Variants in DIAPH2 observed in about 807,000 individuals in gnomAD.
DIAPH2 encodes the protein diaphanous related formin 2.
Under a neutral mutation model 92.7 loss-of-function variants are expected in DIAPH2, and 35 were observed. That is an observed-to-expected ratio of 0.38 (90% confidence interval 0.29 to 0.50). The LOEUF is 0.50. DIAPH2 is among the 20% of genes least tolerant of loss of function. The probability of loss-of-function intolerance (pLI) is 0.94; values close to 1 mark genes in which losing one functional copy is unlikely to be tolerated. For synonymous variants in DIAPH2, 301 were observed against 280.4 expected (o/e 1.07, Z -0.73); for missense variants, 701 against 819.5 (o/e 0.86, Z 1.77).
At chrX:97,433,940 T>C (rs189039492) in intron 26 of DIAPH2, among the ~76,000 whole-genome samples, 3 of 111,331 alleles carry the variant, frequency 2.7e-5, no homozygotes, top group African/African-American at 9.8e-5. Context: ...AAAATAATAA[T>C]GGAGGAAAAG....
intron 23 of DIAPH2, among the ~76,000 whole-genome samples, chrX:97,273,340 A>G (rs764307973): frequency 2.0e-4 from 22 of 111,989 alleles, no homozygotes; most frequent in African/African-American, 5.8e-4. Context: ...TATGCATCTT[A>G]GAAACAAAAT....
chrX:97,110,987 A>C (rs189518847), intron 20 of DIAPH2, among the ~76,000 whole-genome samples: 4,186 of 108,363 alleles, frequency 0.039, 90 homozygotes, highest in Middle Eastern at 0.13. Flanking sequence ...CGTCTCAAAA[A>C]AAACAAACAA....
intron 26 of DIAPH2, among the ~76,000 whole-genome samples, chrX:97,514,327 C>T (rs2070921752): frequency 8.9e-6 from 1 of 112,417 alleles, no homozygotes; most frequent in Non-Finnish European, 1.9e-5. Context: ...CTGCATTCTT[C>T]ACGTAGTTCT....
At chrX:96,861,157 A>G (rs2065070153) in intron 4 of DIAPH2, among the ~76,000 whole-genome samples, 2 of 111,735 alleles carry the variant, frequency 1.8e-5, no homozygotes, top group South Asian at 7.6e-4. Context: ...ACTTGTCTCC[A>G]TAAGATAGAA....
chrX:96,927,388 G>C (rs1422628652), intron 9 of DIAPH2, among the ~76,000 whole-genome samples: 1 of 104,975 alleles, frequency 9.5e-6, no homozygotes, highest in African/African-American at 3.5e-5. Context: ...TTGAGCATAT[G>C]AATTTTGAAA....
At chrX:97,375,016 ATTCT>A (rs1247365855) in intron 24 of DIAPH2, among the ~76,000 whole-genome samples, 2 of 111,899 alleles carry the variant, frequency 1.8e-5, no homozygotes, top group Non-Finnish European at 3.8e-5. Flanking sequence ...TACTTTTGAT[ATTCT>A]TTAAGATTTT....
At chrX:96,775,418 T>C (rs897527379) in intron 4 of DIAPH2, among the ~76,000 whole-genome samples, 1 of 103,776 alleles carries the variant, frequency 9.6e-6, no homozygotes, top group African/African-American at 3.4e-5. Context: ...TGGTGGTGCC[T>C]CTTCTATTGA....
intron 17 of DIAPH2, among the ~76,000 whole-genome samples, chrX:96,977,681 G>GT (rs898928389): frequency 5.5e-5 from 6 of 109,474 alleles, no homozygotes; most frequent in South Asian, 3.9e-4. Context: ...AAGTTAATTA[G>GT]TTTTTTTTCT....
intron 12 of DIAPH2, among the ~76,000 whole-genome samples, chrX:96,940,835 G>T (rs2065699515): frequency 9.0e-6 from 1 of 111,366 alleles, no homozygotes; most frequent in Admixed American, 9.5e-5. Context: ...TTATGTGAAA[G>T]TATCCATTTC....
intron 4 of DIAPH2, among the ~76,000 whole-genome samples, chrX:96,839,122 A>G (rs1458402818): frequency 9.0e-6 from 1 of 111,579 alleles, no homozygotes; most frequent in Non-Finnish European, 1.9e-5. Context: ...ATGAGAAAAA[A>G]ATGTTAGCAG....
At chrX:96,931,372 T>G (rs1049573781) in intron 10 of DIAPH2, among the ~76,000 whole-genome samples, 1 of 111,783 alleles carries the variant, frequency 8.9e-6, no homozygotes, top group Non-Finnish European at 1.9e-5. Context: ...TTAAAAACAT[T>G]TTTGGAATGA....
chrX:96,693,917 C>T (rs1420111165), intron 1 of DIAPH2, among the ~76,000 whole-genome samples: 1 of 111,801 alleles, frequency 8.9e-6, no homozygotes, highest in Non-Finnish European at 1.9e-5. Flanking sequence ...CGCCTGTAAT[C>T]CCAGCTACTC....
At chrX:97,538,274 A>G (rs1466738758) in intron 26 of DIAPH2, among the ~76,000 whole-genome samples, 3 of 111,926 alleles carry the variant, frequency 2.7e-5, no homozygotes, top group Non-Finnish European at 5.6e-5. Context: ...TTAGGCAGCA[A>G]TATGTCATTA....
At chrX:96,867,363 C>T (rs1026882743) in intron 4 of DIAPH2, among the ~76,000 whole-genome samples, 3 of 110,783 alleles carry the variant, frequency 2.7e-5, no homozygotes, top group East Asian at 2.8e-4. Flanking sequence ...GGTTTACAGG[C>T]GCGTGCCACC....
intron 24 of DIAPH2, among the ~76,000 whole-genome samples, chrX:97,375,320 G>T (rs1248632941): frequency 9.0e-6 from 1 of 111,267 alleles, no homozygotes; most frequent in African/African-American, 3.3e-5. Flanking sequence ...CCTGGGCGTC[G>T]TGGTGGGCAC....
chrX:96,755,608 G>A (rs781298799), intron 3 of DIAPH2, among the ~76,000 whole-genome samples: 15 of 109,903 alleles, frequency 1.4e-4, no homozygotes, highest in African/African-American at 3.3e-4. Flanking sequence ...AGCCGAGATC[G>A]CGCCACTGCA....
intron 4 of DIAPH2, among the ~76,000 whole-genome samples, chrX:96,788,172 T>C (rs958555964): frequency 8.9e-6 from 1 of 112,047 alleles, no homozygotes; most frequent in Non-Finnish European, 1.9e-5. Flanking sequence ...ACTCTGCCAC[T>C]AAGGTGTTAT....
At chrX:96,893,954 G>A (rs2065324792) in intron 5 of DIAPH2, among the ~76,000 whole-genome samples, 1 of 112,382 alleles carries the variant, frequency 8.9e-6, no homozygotes, top group Admixed American at 9.5e-5. Context: ...CAGCAAAGCT[G>A]TAAGTGTATA....
chrX:96,692,934 G>T (rs2063805703), intron 1 of DIAPH2, among the ~76,000 whole-genome samples: 1 of 112,047 alleles, frequency 8.9e-6, no homozygotes, highest in Non-Finnish European at 1.9e-5. Context: ...AGTCTAGGTT[G>T]CTGAATCTGG....
Sources: allele counts gnomAD v4.1 joint callset (sites outside exome capture counted in the v4.1 genomes callset), GRCh38; gene constraint gnomAD v4.1.1; transcripts MANE v1.5; gene names NCBI Gene and HGNC (gene_info 2026-07-23, HGNC 2026-07-21).